The following MARCHF1 variants were observed in gnomAD, a reference collection of about 807,000 sequenced individuals.
MARCHF1 encodes membrane associated ring-CH-type finger 1, also known as E3 ubiquitin-protein ligase MARCHF1.
Under a neutral mutation model 54.2 loss-of-function variants are expected in MARCHF1, and 40 were observed. That is an observed-to-expected ratio of 0.74 (90% CI 0.57 to 0.96). The LOEUF (loss-of-function observed/expected upper bound fraction) is 0.96. Ranked by LOEUF, MARCHF1 falls within the 40% of genes least tolerant of loss-of-function variation. The pLI, the probability that MARCHF1 is intolerant of heterozygous loss-of-function variation, is 0.00. For missense variants in MARCHF1, 586 were observed against 656.5 expected (o/e 0.89, Z 1.17); for synonymous variants, 236 against 236.3 (o/e 1.00, Z 0.01).
chr4:164,008,342 G>T (rs1025893753), intron 2 of MARCHF1, among the ~76,000 whole-genome samples: 1 of 152,030 alleles, frequency 6.6e-6, no homozygotes, highest in African/African-American at 2.4e-5. Context: ...AAGTAAACAT[G>T]AACAGATCTA....
intron 1 of MARCHF1, among the ~76,000 whole-genome samples, chr4:164,235,369 A>G (rs1296743972): frequency 6.6e-6 from 1 of 152,148 alleles, no homozygotes; most frequent in East Asian, 1.9e-4. Context: ...TATAAAAATA[A>G]ATATGTTTCA....
intron 5 of MARCHF1, among the ~76,000 whole-genome samples, chr4:163,662,993 T>A (rs1743398950): frequency 6.7e-6 from 1 of 150,310 alleles, no homozygotes; most frequent in South Asian, 2.1e-4. Flanking sequence ...AAAAAAAAAA[T>A]GTTTCTTAAC....
At chr4:164,242,324 AC>A (rs1225986528) in intron 1 of MARCHF1, among the ~76,000 whole-genome samples, 1 of 145,494 alleles carries the variant, frequency 6.9e-6, no homozygotes, top group African/African-American at 2.6e-5. Flanking sequence ...CTGACCCCTG[AC>A]CCCCGAGCAG....
intron 1 of MARCHF1, among the ~76,000 whole-genome samples, chr4:164,171,867 C>T (rs1730534164): frequency 6.6e-6 from 1 of 152,076 alleles, no homozygotes; most frequent in African/African-American, 2.4e-5. Flanking sequence ...TACAGGAAAT[C>T]CAATATTTCT....
rs574087193 is a variant in MARCHF1 at position 163,535,308 on chromosome 4, T to C, written c.1340-6262A>G. ...GTTTTATTCTTGATTTTTCTGGTGT[T>C]CCAGCAAAATAACTGAACTAAAAAT... On this transcript the variant is annotated intron_variant, in intron 9 of 9. Transcript: ENST00000514618. Among the ~76,000 whole-genome samples the C allele has an allele frequency of 5.3e-5, 8 of 152,226 alleles. No homozygotes were observed. In the South Asian group the frequency reaches 1.7e-3, roughly 32 times the overall value.
chr4:163,526,912 G>C lies in MARCHF1; in HGVS notation c.*1836C>G, dbSNP rs550662740. 1 of 151,450 alleles carries C rather than the reference G, an allele frequency of 6.6e-6. No individual in the cohort carries two copies. 9.4% of individuals were successfully genotyped at this position (151,450 alleles called of 1,614,324 possible). A position where few individuals can be genotyped will look rare whatever the true frequency, so the allele number is the denominator to read the frequency against. On this transcript the variant is annotated 3_prime_UTR_variant, in exon 10 of 10. Coordinates refer to ENST00000514618, the MANE Select transcript of MARCHF1 (RefSeq NM_001394959.1). ...TCAAGACTATCTGGACTCAGTGTCAGCCACTACTAATATTTATACCATCTT... is the reference window on the plus strand; with the variant it reads ...TCAAGACTATCTGGACTCAGTGTCACCCACTACTAATATTTATACCATCTT...
intron 4 of MARCHF1, among the ~76,000 whole-genome samples, chr4:163,809,111 T>C (rs891999848): frequency 6.6e-6 from 1 of 152,156 alleles, no homozygotes; most frequent in African/African-American, 2.4e-5. Context: ...TTATTTTATC[T>C]AATCCTCTCC....
At chr4:164,113,918 C>T (rs913038192) in intron 1 of MARCHF1, among the ~76,000 whole-genome samples, 7 of 137,380 alleles carry the variant, frequency 5.1e-5, no homozygotes, top group Admixed American at 1.5e-4. Context: ...TTATATAAAA[C>T]GATAACTGTT....
At chr4:164,264,927 A>C (rs1733567965) in intron 1 of MARCHF1, among the ~76,000 whole-genome samples, 1 of 150,490 alleles carries the variant, frequency 6.6e-6, no homozygotes, top group South Asian at 2.1e-4. Context: ...TCGAAAAAAA[A>C]AAAACAAAAA....
chr4:163,959,333 A>AACAAC (rs1560836697), intron 3 of MARCHF1, among the ~76,000 whole-genome samples: 1 of 128,052 alleles, frequency 7.8e-6, no homozygotes, highest in Non-Finnish European at 1.7e-5. Context: ...ACAACAACAA[A>AACAAC]AAAAAAAAAC....
intron 3 of MARCHF1, among the ~76,000 whole-genome samples, chr4:163,911,635 C>T (rs572824847): frequency 8.5e-5 from 13 of 152,192 alleles, no homozygotes; most frequent in African/African-American, 2.2e-4. Flanking sequence ...ATGTTGAAGT[C>T]CTAACCGCCA....
chr4:164,150,781 G>T (rs1268235541), intron 1 of MARCHF1, among the ~76,000 whole-genome samples: 1 of 152,244 alleles, frequency 6.6e-6, no homozygotes, highest in Admixed American at 6.5e-5. Flanking sequence ...ACAAATAATT[G>T]TCTCCGAAAG....
chr4:163,692,768 G>A (rs1372607854), intron 5 of MARCHF1, among the ~76,000 whole-genome samples: 2 of 151,016 alleles, frequency 1.3e-5, no homozygotes, highest in Non-Finnish European at 2.9e-5. Context: ...TTAGCTTCTC[G>A]GTCTGTTCCC....
intron 2 of MARCHF1, among the ~76,000 whole-genome samples, chr4:164,078,101 G>A (rs1472826987): frequency 6.6e-6 from 1 of 152,146 alleles, no homozygotes; most frequent in Non-Finnish European, 1.5e-5. Context: ...TTGCAGCGCT[G>A]TTCCCAATAG....
chr4:163,946,964 T>C (rs1752038167), intron 3 of MARCHF1, among the ~76,000 whole-genome samples: 1 of 152,220 alleles, frequency 6.6e-6, no homozygotes, highest in African/African-American at 2.4e-5. Context: ...AAATAAAGAA[T>C]TCTTGTTTAC....
Position 164,060,565 on chromosome 4 carries a change from G to A in MARCHF1, c.-248+51023C>T, listed in dbSNP as rs147068810. Among the ~76,000 whole-genome samples the A allele has an allele frequency of 8.4e-4, 128 of 152,122 alleles. 2 individuals are homozygous for A. In the East Asian group the frequency reaches 0.025, roughly 29 times the overall value. ...TGACTAAAGGGTAATAATGTCATTT[G>A]ATAAATAATTGAATAAAATAAGGAT... On this transcript the variant is annotated intron_variant, in intron 2 of 9. Coordinates refer to ENST00000514618, the MANE Select transcript of MARCHF1 (RefSeq NM_001394959.1).
chr4:163,636,808 A>G (rs1742345957), intron 5 of MARCHF1, among the ~76,000 whole-genome samples: 1 of 152,164 alleles, frequency 6.6e-6, no homozygotes, highest in Non-Finnish European at 1.5e-5. Context: ...AGCCAAAAGA[A>G]CAAAGCTGGA....
intron 4 of MARCHF1, among the ~76,000 whole-genome samples, chr4:163,720,283 G>T (rs568335795): frequency 1.3e-5 from 2 of 152,272 alleles, no homozygotes; most frequent in Admixed American, 1.3e-4. Flanking sequence ...ATTAAATAGG[G>T]AATCCTTTCC....
chr4:163,832,219 A>G (rs949594326), intron 4 of MARCHF1, among the ~76,000 whole-genome samples: 1 of 152,200 alleles, frequency 6.6e-6, no homozygotes, highest in African/African-American at 2.4e-5. Context: ...GATGCCCTCT[A>G]TGGAGATATA....
Sources: gnomAD v4.1 joint callset for allele counts (sites outside exome capture counted in the v4.1 genomes callset) on GRCh38, gnomAD v4.1.1 for gene constraint, MANE v1.5 for transcripts, NCBI Gene and HGNC (gene_info 2026-07-23, HGNC 2026-07-21) for gene names.